Variants in ZNF521 observed in about 807,000 individuals in gnomAD.
ZNF521 encodes LYST-interacting protein 3.
Under a neutral mutation model 105.5 loss-of-function variants are expected in ZNF521, and 14 were observed. The observed-to-expected ratio is 0.13, with a 90% CI of 0.09 to 0.21. The LOEUF (loss-of-function observed/expected upper bound fraction) is 0.21, where lower values mean the gene tolerates loss of function less well. Among genes scored for constraint, ZNF521 ranks in the 10% least tolerant of loss-of-function variants. ZNF521 has a pLI of 1.00. For missense variants in ZNF521, 1,233 were observed against 1,629.7 expected (o/e 0.76, Z 4.19); for synonymous variants, 635 against 606.0 (o/e 1.05, Z -0.70).
rs749479215 is a variant in ZNF521 at position 25,226,392 on chromosome 18, T to C, written c.1526A>G (p.Asp509Gly). The C allele has an allele frequency of 1.9e-6, 3 of 1,614,126 alleles. No homozygotes were observed. The South Asian group carries it at 3.3e-5, about 18-fold the overall frequency. ...ATGGGGACAAAAGAATGCATTACTA[T>C]CTTTAGCTGCAGGGTTTGCAAATCC... ...SHGFANPAAKDSNAFFCPHCY... is the reference protein window; with the variant it reads ...SHGFANPAAKGSNAFFCPHCY... The change falls in exon 4 of 8, where the codon GAT becomes GGT. Residue 509 changes from aspartate to glycine, a missense_variant. By Grantham distance (94) the Asp-to-Gly change is moderately conservative (BLOSUM62 -1). This residue lies in a region of ZNF521 where 380 missense variants were observed against 478.0 expected (regional missense o/e 0.80). Coordinates refer to ENST00000361524, the MANE Select transcript of ZNF521 (RefSeq NM_015461.3). This position sits in a 1 kb window ranked among gnomAD's most constrained non-coding sequence, Gnocchi z 4.1.
chr18:25,093,164 A>G (rs2033782933), intron 5 of ZNF521, among the ~76,000 whole-genome samples: 2 of 152,130 alleles, frequency 1.3e-5, no homozygotes, highest in Admixed American at 6.6e-5. Context: ...AGTCACAAGC[A>G]CTCATAATTG....
intron 5 of ZNF521, among the ~76,000 whole-genome samples, chr18:25,092,559 T>A (rs901049828): frequency 6.6e-6 from 1 of 152,230 alleles, no homozygotes; most frequent in African/African-American, 2.4e-5. Context: ...TCCAAGAATT[T>A]CTGGCAATTT....
chr18:25,143,311 C>A (rs1015513683), intron 5 of ZNF521, among the ~76,000 whole-genome samples: 1 of 152,080 alleles, frequency 6.6e-6, no homozygotes, highest in African/African-American at 2.4e-5. Flanking sequence ...TCATGTCAAG[C>A]TGGTAAGAGA....
At chr18:25,349,931 C>T (rs1240930898) in intron 2 of ZNF521, among the ~76,000 whole-genome samples, 2 of 151,652 alleles carry the variant, frequency 1.3e-5, no homozygotes, top group African/African-American at 4.8e-5. Flanking sequence ...CGCTCCGCCG[C>T]CCGCCCTCCC....
At chr18:25,190,225 G>A (rs2035794352) in intron 5 of ZNF521, among the ~76,000 whole-genome samples, 1 of 151,942 alleles carries the variant, frequency 6.6e-6, no homozygotes, top group Admixed American at 6.6e-5. Context: ...TTAATTCTCT[G>A]AATTTTGTAA....
At chr18:25,234,966 AAC>A (rs1218167658) in intron 3 of ZNF521, among the ~76,000 whole-genome samples, 2 of 152,308 alleles carry the variant, frequency 1.3e-5, no homozygotes, top group East Asian at 1.9e-4. Flanking sequence ...CTTGTTAAAT[AAC>A]AGTCTTAATA....
chr18:25,341,986 GCTTC>G (rs1422747191), intron 2 of ZNF521, among the ~76,000 whole-genome samples: 3 of 152,098 alleles, frequency 2.0e-5, no homozygotes, highest in African/African-American at 7.2e-5. Flanking sequence ...TGATGAATAA[GCTTC>G]CTCATTTTAG....
rs1430180720 is a variant in ZNF521, at chr18:25,227,153, A to G, written c.765T>C (p.Phe255=). 6.2e-7 allele frequency: 1 copy of G among 1,614,104 alleles called. No individual in the cohort carries two copies. Among genetic ancestry groups the G allele is most frequent in the African/African-American group, 1.3e-5 (1 of 75,026 alleles). The change falls in exon 4 of 8, where the codon TTT becomes TTC. Residue 255 remains phenylalanine, a synonymous_variant. Coordinates refer to ENST00000361524, the MANE Select transcript of ZNF521 (RefSeq NM_015461.3). The surrounding 1 kb of genome is among the most constrained non-coding windows in gnomAD (Gnocchi z 5.7). ...GTTTTTGGAGGTCTTCCGGGAAGTC[A>G]AAGCCTTCCTCACACTGACTGCACT... The part of the protein sequence containing the change: ...TQKCSQCEEG[F]DFPEDLQKHI...
intron 2 of ZNF521, among the ~76,000 whole-genome samples, chr18:25,335,980 T>C (rs887146614): frequency 1.3e-5 from 2 of 151,960 alleles, no homozygotes; most frequent in Non-Finnish European, 2.9e-5. Flanking sequence ...GCAAGGGAAG[T>C]TAAGGGGAAA....
At chr18:25,303,649 T>A (rs1185869300) in intron 3 of ZNF521, among the ~76,000 whole-genome samples, 1 of 152,126 alleles carries the variant, frequency 6.6e-6, no homozygotes, top group African/African-American at 2.4e-5. Context: ...TTTCCTATTA[T>A]ATATAATTAT....
At chr18:25,206,565 T>A (rs1032856023) in intron 4 of ZNF521, among the ~76,000 whole-genome samples, 3 of 152,210 alleles carry the variant, frequency 2.0e-5, no homozygotes, top group African/African-American at 7.2e-5. Flanking sequence ...GTTTGTCTTA[T>A]ACTAGATCAT....
At chr18:25,259,827 C>T (rs1908787945) in intron 3 of ZNF521, among the ~76,000 whole-genome samples, 1 of 152,076 alleles carries the variant, frequency 6.6e-6, no homozygotes, top group Admixed American at 6.6e-5. Context: ...TGAAGGCCTC[C>T]CAGAGGGAAC....
intron 2 of ZNF521, among the ~76,000 whole-genome samples, chr18:25,349,963 G>C (rs1178532117): frequency 6.6e-6 from 1 of 151,712 alleles, no homozygotes; most frequent in Non-Finnish European, 1.5e-5. Flanking sequence ...TCGGAGCGCC[G>C]GACCTCGCGG....
chr18:25,320,520 G>T (rs1012427816), intron 3 of ZNF521, among the ~76,000 whole-genome samples: 5 of 152,082 alleles, frequency 3.3e-5, no homozygotes, highest in Admixed American at 3.3e-4. Context: ...ATATGTAAGA[G>T]AATAGATTTG....
At chr18:25,130,511 T>C (rs1436700525) in intron 5 of ZNF521, among the ~76,000 whole-genome samples, 1 of 152,160 alleles carries the variant, frequency 6.6e-6, no homozygotes, top group Non-Finnish European at 1.5e-5. Context: ...GGTTCATCAA[T>C]TGTAGCAAAT....
At chr18:25,085,761 A>G (rs1425508657) in intron 7 of ZNF521, among the ~76,000 whole-genome samples, 1 of 151,650 alleles carries the variant, frequency 6.6e-6, no homozygotes, top group African/African-American at 2.4e-5. Context: ...CATATATATA[A>G]ATTCTATACC....
At chr18:25,089,938 CA>C (rs2033708148) in intron 6 of ZNF521, among the ~76,000 whole-genome samples, 1 of 152,126 alleles carries the variant, frequency 6.6e-6, no homozygotes, top group Admixed American at 6.5e-5. Flanking sequence ...TCATAGATGC[CA>C]AAACCCTGTT....
intron 5 of ZNF521, among the ~76,000 whole-genome samples, chr18:25,099,178 A>G (rs1411297438): frequency 6.6e-6 from 1 of 152,140 alleles, no homozygotes; most frequent in Non-Finnish European, 1.5e-5. Flanking sequence ...GCTGGAACTC[A>G]ATAAATATTT....
At chr18:25,338,617 G>T (rs139133798) in intron 2 of ZNF521, among the ~76,000 whole-genome samples, 1,603 of 152,124 alleles carry the variant, frequency 0.011, 33 homozygotes, top group African/African-American at 0.033. Context: ...TCACCATGTT[G>T]CCCAGGCCTG....
Sources: gnomAD v4.1 joint callset for allele counts (sites outside exome capture counted in the v4.1 genomes callset) on GRCh38, gnomAD v4.1.1 for gene constraint, gnomAD v4.1.1 regional missense constraint, Gnocchi (gnomAD v3.1) non-coding constraint, MANE v1.5 for transcripts, NCBI Gene and HGNC (gene_info 2026-07-23, HGNC 2026-07-21) for gene names.